SPIN1: variants seen among roughly 807,000 people sequenced by gnomAD.
The protein encoded by SPIN1 is spindlin-1.
Under a neutral mutation model 26.0 loss-of-function variants are expected in SPIN1, and 3 were observed. The ratio of observed to expected loss-of-function variants is 0.12; its 90% CI spans 0.05 to 0.30. The LOEUF is 0.30. Among genes scored for constraint, SPIN1 ranks in the 10% least tolerant of loss-of-function variants. The probability of loss-of-function intolerance (pLI) is 1.00; values close to 1 mark genes in which losing one functional copy is unlikely to be tolerated. For missense variants in SPIN1, 126 were observed against 333.4 expected (o/e 0.38, Z 4.84); for synonymous variants, 101 against 116.5 (o/e 0.87, Z 0.86).
At chr9:88,466,529 G>GT (rs112195851) in intron 4 of SPIN1, among the ~76,000 whole-genome samples, 4 of 152,012 alleles carry the variant, frequency 2.6e-5, no homozygotes, top group African/African-American at 7.2e-5. Context: ...AACTAGTGGG[G>GT]TTTTTTTACT....
At chr9:88,436,939 G>T (rs1186990623) in intron 2 of SPIN1, among the ~76,000 whole-genome samples, 2 of 151,030 alleles carry the variant, frequency 1.3e-5, no homozygotes, top group African/African-American at 2.4e-5. Context: ...TATTTTTTTT[G>T]TATTTTTAGT....
At chr9:88,411,925 A>G (rs1827455078) in intron 1 of SPIN1, among the ~76,000 whole-genome samples, 1 of 151,940 alleles carries the variant, frequency 6.6e-6, no homozygotes, top group Non-Finnish European at 1.5e-5. Context: ...TGTAATCAGC[A>G]CTATGGGAGG....
rs575598645 is a variant in SPIN1 at position 88,427,325 on chromosome 9, AT to A, written c.52+737del. Among the ~76,000 whole-genome samples the A allele has an allele frequency of 5.1e-3, 773 of 152,282 alleles. 7 individuals carry two copies. The highest frequency in any genetic ancestry group is 0.018 in the African/African-American group (728 of 41,568). ...ATTTCTTCTATTTATTTACTGTAGT[AT>A]TTGGAGTTCTGTTGTAGAAAAACCA... On this transcript the variant is annotated intron_variant, in intron 2 of 5. Coordinates refer to ENST00000375859, the MANE Select transcript of SPIN1 (RefSeq NM_006717.3).
chr9:88,468,680 C>T (rs1828718227), intron 5 of SPIN1, 75 bp downstream of exon 5: 2 of 924,058 alleles, frequency 2.2e-6, no homozygotes, highest in South Asian at 7.9e-5. Context: ...ATTTGATTGG[C>T]TCTTTTGCAG....
At chr9:88,450,916 C>G (rs11142303) in intron 3 of SPIN1, among the ~76,000 whole-genome samples, 45,389 of 151,946 alleles carry the variant, frequency 0.3, 12,063 homozygotes, top group African/African-American at 0.71. Context: ...CTGGTGGGGA[C>G]GCAGGCTCTC....
chr9:88,460,308 A>G (rs1828554419), intron 3 of SPIN1, among the ~76,000 whole-genome samples: 1 of 151,644 alleles, frequency 6.6e-6, no homozygotes, highest in African/African-American at 2.4e-5. Context: ...GTTTCTTCTC[A>G]TGTTCTTCTA....
intron 5 of SPIN1, among the ~76,000 whole-genome samples, chr9:88,472,047 C>T (rs929044555): frequency 5.9e-5 from 9 of 152,046 alleles, no homozygotes; most frequent in Middle Eastern, 3.2e-3. Context: ...GATCTGCCCA[C>T]CTCAGTCTTC....
chr9:88,434,372 A>G (rs1467274154), intron 2 of SPIN1, among the ~76,000 whole-genome samples: 2 of 134,662 alleles, frequency 1.5e-5, no homozygotes, highest in Non-Finnish European at 3.0e-5. Context: ...AAAATAGTTT[A>G]TTTTATAAAT....
chr9:88,448,866 G>A, intron 2 of SPIN1, 75 bp from the exon 3 acceptor site: 1 of 1,424,774 alleles, frequency 7.0e-7, no homozygotes, highest in Non-Finnish European at 9.8e-7. Context: ...CAGTTTTTCA[G>A]AAGTTAAGAT....
chr9:88,397,113 G>A (rs534147492), intron 1 of SPIN1, among the ~76,000 whole-genome samples: 2 of 152,186 alleles, frequency 1.3e-5, no homozygotes, highest in South Asian at 4.2e-4. Context: ...AAACACTACA[G>A]TTAGGCTACA....
chr9:88,411,360 CA>C, intron 1 of SPIN1: 1 of 1,561,524 alleles, frequency 6.4e-7, no homozygotes, highest in Non-Finnish European at 8.8e-7. Context: ...CCCCATTGCT[CA>C]AAATGGCTCC....
chr9:88,420,422 A>G (rs1827647753), intron 1 of SPIN1, among the ~76,000 whole-genome samples: 1 of 152,206 alleles, frequency 6.6e-6, no homozygotes, highest in Admixed American at 6.5e-5. Flanking sequence ...CTCAAGTGCA[A>G]AACTGAGAGT....
intron 2 of SPIN1, among the ~76,000 whole-genome samples, chr9:88,427,862 G>A (rs1239995011): frequency 6.6e-6 from 1 of 152,116 alleles, no homozygotes; most frequent in East Asian, 1.9e-4. Context: ...GCCTCCCAAA[G>A]TGCTGGGATT....
intron 5 of SPIN1, among the ~76,000 whole-genome samples, chr9:88,471,654 C>CAAAAAAAAAAAAAAA (rs1166469042): frequency 1.7e-5 from 1 of 59,748 alleles, no homozygotes; most frequent in Non-Finnish European, 2.8e-5. Context: ...GACTCTGTCT[C>CAAAAAAAAAAAAAAA]AAAAAAAAAA....
intron 1 of SPIN1, among the ~76,000 whole-genome samples, chr9:88,393,669 A>G (rs1161828527): frequency 1.3e-5 from 2 of 151,550 alleles, no homozygotes; most frequent in Non-Finnish European, 2.9e-5. Flanking sequence ...GTTGGCCAGG[A>G]TGGTCTCGAT....
At chr9:88,397,015 G>A (rs953848537) in intron 1 of SPIN1, among the ~76,000 whole-genome samples, 1 of 152,060 alleles carries the variant, frequency 6.6e-6, no homozygotes, top group African/African-American at 2.4e-5. Flanking sequence ...TGTCAGGACT[G>A]GAAGTTGCTC....
In SPIN1 at chr9:88,417,537, A is replaced by G. The variant is rs142939052; in HGVS notation, c.-158-8845A>G. ...ACCCAGGCTGGAATGCAGTGGTGTG[A>G]TCTCGGCCCACTGCAACCTCTGCCT... is the stretch of plus-strand genomic sequence containing the variant. On this transcript the variant is annotated intron_variant, in intron 1 of 5. Transcript: ENST00000375859. Among the ~76,000 whole-genome samples the G allele has an allele frequency of 5.8e-4, 87 of 150,968 alleles. 1 individual carries two copies. In the East Asian group the frequency reaches 0.016, roughly 29 times the overall value.
chr9:88,444,236 A>ATTTTTT (rs745590731), intron 2 of SPIN1, among the ~76,000 whole-genome samples: 3 of 102,430 alleles, frequency 2.9e-5, no homozygotes, highest in Non-Finnish European at 5.7e-5. Flanking sequence ...TCTTGTTCCC[A>ATTTTTT]TTTTTTTTTT....
At chr9:88,452,205 C>A (rs1197895104) in intron 3 of SPIN1, among the ~76,000 whole-genome samples, 1 of 152,130 alleles carries the variant, frequency 6.6e-6, no homozygotes, top group Non-Finnish European at 1.5e-5. Flanking sequence ...TCATGATAGC[C>A]CTGTCAAGTA....
Sources: allele counts gnomAD v4.1 joint callset (sites outside exome capture counted in the v4.1 genomes callset), GRCh38; gene constraint gnomAD v4.1.1; transcripts MANE v1.5; gene names NCBI Gene and HGNC (gene_info 2026-07-23, HGNC 2026-07-21).